ITGA6: variants seen among roughly 807,000 people sequenced by gnomAD.
ITGA6 encodes integrin alpha-6.
In ITGA6, 63 loss-of-function variants were observed where a neutral mutation model predicts 133.6. The ratio of observed to expected loss-of-function variants is 0.47; its 90% confidence interval spans 0.38 to 0.58. The LOEUF (loss-of-function observed/expected upper bound fraction) is 0.58, where lower values mean the gene tolerates loss of function less well. Ranked by LOEUF, ITGA6 falls within the 20% of genes least tolerant of loss-of-function variation. The pLI is 0.00. For missense variants in ITGA6, 1,068 were observed against 1,309.4 expected (o/e 0.82, Z 2.85); for synonymous variants, 434 against 482.0 (o/e 0.90, Z 1.30).
intron 7 of ITGA6, among the ~76,000 whole-genome samples, chr2:172,475,345 C>G (rs1686124486): frequency 6.6e-6 from 1 of 152,132 alleles, no homozygotes; most frequent in African/African-American, 2.4e-5. Context: ...ATACCAGCTA[C>G]TCCCAGCTTT....
chr2:172,450,868 C>A (rs1477843201), intron 1 of ITGA6, among the ~76,000 whole-genome samples: 1 of 143,602 alleles, frequency 7.0e-6, no homozygotes, highest in East Asian at 2.0e-4. Context: ...ATATAATATA[C>A]AAATATATTT....
At chr2:172,472,760 G>A (rs779062541) in intron 5 of ITGA6, 23 of 1,519,570 alleles carry the variant, frequency 1.5e-5, no homozygotes, top group African/African-American at 5.5e-5. Flanking sequence ...CTTCCGTCCC[G>A]TGCATGCGTA....
chr2:172,466,715 C>G (rs181435441), intron 2 of ITGA6, among the ~76,000 whole-genome samples: 11 of 152,300 alleles, frequency 7.2e-5, no homozygotes, highest in Non-Finnish European at 1.2e-4. Context: ...AATAAAAAAA[C>G]CCACTGGCAA....
chr2:172,453,832 A>G (rs965576316), intron 1 of ITGA6, among the ~76,000 whole-genome samples: 6 of 152,216 alleles, frequency 3.9e-5, no homozygotes, highest in African/African-American at 9.6e-5. Context: ...GTTCATTACA[A>G]ATAACCATTG....
intron 1 of ITGA6, among the ~76,000 whole-genome samples, chr2:172,428,947 C>T (rs1054314811): frequency 6.6e-6 from 1 of 152,190 alleles, no homozygotes. Flanking sequence ...ATCTGTGCTA[C>T]TGAAAAATAG....
At chr2:172,444,185 CCA>C (rs1684657066) in intron 1 of ITGA6, among the ~76,000 whole-genome samples, 1 of 152,176 alleles carries the variant, frequency 6.6e-6, no homozygotes, top group Admixed American at 6.5e-5. Context: ...AGACTTGAAC[CCA>C]CCATTCTTGT....
chr2:172,503,274 A>G (rs1050610530), intron 25 of ITGA6, among the ~76,000 whole-genome samples: 1 of 152,096 alleles, frequency 6.6e-6, no homozygotes, highest in African/African-American at 2.4e-5. Flanking sequence ...ATTTTTTCAG[A>G]TATATTCTCA....
intron 1 of ITGA6, 110 bp downstream of exon 1, chr2:172,428,080 C>T (rs1429635717): frequency 3.6e-6 from 4 of 1,118,964 alleles, no homozygotes; most frequent in Non-Finnish European, 3.5e-6. Flanking sequence ...GCCCGTGGGT[C>T]GCGCCCGGGC....
intron 1 of ITGA6, among the ~76,000 whole-genome samples, chr2:172,435,855 C>T (rs1172898073): frequency 6.6e-6 from 1 of 151,962 alleles, no homozygotes; most frequent in Admixed American, 6.6e-5. Context: ...TCTCGAACTC[C>T]TGGATTCAGG....
intron 8 of ITGA6, among the ~76,000 whole-genome samples, 181 bp from the exon 9 acceptor site, chr2:172,476,214 T>A (rs1008284037): frequency 1.3e-5 from 2 of 152,216 alleles, no homozygotes; most frequent in Admixed American, 6.5e-5. Flanking sequence ...ATGACTTTTA[T>A]GAAATGAAAT....
At chr2:172,444,760 C>T (rs1574327691) in intron 1 of ITGA6, among the ~76,000 whole-genome samples, 1 of 131,216 alleles carries the variant, frequency 7.6e-6, no homozygotes, top group Non-Finnish European at 1.6e-5. Flanking sequence ...CCACGTATTT[C>T]CCCCCCACAA....
At chr2:172,486,604 C>T (rs1245805245) in intron 13 of ITGA6, among the ~76,000 whole-genome samples, 2 of 152,058 alleles carry the variant, frequency 1.3e-5, no homozygotes, top group Non-Finnish European at 1.5e-5. Flanking sequence ...ATATGTAAAT[C>T]GAGTATTATA....
chr2:172,459,866 G>C (rs1352756016), intron 1 of ITGA6, among the ~76,000 whole-genome samples: 1 of 152,206 alleles, frequency 6.6e-6, no homozygotes, highest in Non-Finnish European at 1.5e-5. Context: ...CTGCAGAAAG[G>C]TCCAGGGGCT....
intron 1 of ITGA6, chr2:172,464,436 A>C (rs911768098): frequency 6.6e-6 from 1 of 152,176 alleles, no homozygotes; most frequent in Admixed American, 6.5e-5. Flanking sequence ...TCGTGTTCCC[A>C]GTCCTTTTCC....
At chr2:172,447,752 T>A (rs1433215206) in intron 1 of ITGA6, among the ~76,000 whole-genome samples, 3 of 152,232 alleles carry the variant, frequency 2.0e-5, no homozygotes, top group Admixed American at 2.0e-4. Flanking sequence ...TCCAGAATTC[T>A]TTTCCTGTCT....
intron 11 of ITGA6, among the ~76,000 whole-genome samples, chr2:172,482,355 A>C (rs1466165538): frequency 6.6e-6 from 1 of 152,208 alleles, no homozygotes; most frequent in Non-Finnish European, 1.5e-5. Flanking sequence ...TACATCTAAA[A>C]TCTTCTCCCA....
At chr2:172,460,825 A>G (rs1437259588) in intron 1 of ITGA6, among the ~76,000 whole-genome samples, 8 of 152,234 alleles carry the variant, frequency 5.3e-5, no homozygotes, top group South Asian at 2.1e-4. Context: ...AAATTAAGCA[A>G]TAATAGTGTT....
intron 1 of ITGA6, chr2:172,428,171 C>T: frequency 3.3e-6 from 1 of 303,678 alleles, no homozygotes; most frequent in Non-Finnish European, 5.8e-6. Context: ...CCATTCAGCT[C>T]GGGAAGGAGG....
At chr2:172,461,575 C>G (rs757473346) in intron 1 of ITGA6, among the ~76,000 whole-genome samples, 1 of 152,192 alleles carries the variant, frequency 6.6e-6, no homozygotes, top group Non-Finnish European at 1.5e-5. Flanking sequence ...CTCCTTCAAA[C>G]GTACTGGGAT....
Sources: allele counts gnomAD v4.1 joint callset (sites outside exome capture counted in the v4.1 genomes callset), GRCh38; gene constraint gnomAD v4.1.1; transcripts MANE v1.5; gene names NCBI Gene and HGNC (gene_info 2026-07-23, HGNC 2026-07-21).